EBF1: variants seen among roughly 807,000 people sequenced by gnomAD.
EBF1 encodes EBF transcription factor 1.
A neutral mutation model predicts 68.4 loss-of-function variants in EBF1; 10 were observed. The ratio of observed to expected loss-of-function variants is 0.15; its 90% CI spans 0.09 to 0.25. The LOEUF (loss-of-function observed/expected upper bound fraction) is 0.25. Among genes scored for constraint, EBF1 ranks in the 10% least tolerant of loss-of-function variants. The pLI, the probability that EBF1 is intolerant of heterozygous loss-of-function variation, is 1.00. For synonymous variants in EBF1, 298 were observed against 299.8 expected (o/e 0.99, Z 0.06); for missense variants, 509 against 794.4 (o/e 0.64, Z 4.32).
chr5:158,699,162 A>G lies in EBF1; in HGVS notation c.1745-20T>C. ...ATATCGCTATGAAAGAAAAGACAGA[A>G]GTCAATGGTTTCTTTGCGTTCAAAC... On this transcript the variant is annotated intron_variant, in intron 15 of 15. Coordinates refer to ENST00000313708, the MANE Select transcript of EBF1 (RefSeq NM_024007.5). 1 of 1,601,446 alleles carries G rather than the reference A, an allele frequency of 6.2e-7. No individual in the cohort carries two copies.
chr5:158,811,521 T>G (rs941377507), intron 8 of EBF1, among the ~76,000 whole-genome samples: 1 of 152,170 alleles, frequency 6.6e-6, no homozygotes, highest in East Asian at 1.9e-4. Flanking sequence ...GGCCTCAGTT[T>G]CCCAAATGTG....
At chr5:158,831,683 G>C (rs544581440) in intron 7 of EBF1, among the ~76,000 whole-genome samples, 4 of 152,264 alleles carry the variant, frequency 2.6e-5, no homozygotes, top group African/African-American at 9.6e-5. Flanking sequence ...TGTATTTTTA[G>C]AAGAAATGGG....
At chr5:159,030,805 A>G (rs1768642762) in intron 6 of EBF1, among the ~76,000 whole-genome samples, 3 of 152,204 alleles carry the variant, frequency 2.0e-5, no homozygotes, top group Admixed American at 2.0e-4. Context: ...CCACAGTGAC[A>G]TGTTCAGAAC....
At chr5:159,099,173 A>C (rs1465419201) in intron 1 of EBF1, among the ~76,000 whole-genome samples, 172 bp downstream of exon 1, 1 of 152,170 alleles carries the variant, frequency 6.6e-6, no homozygotes, top group South Asian at 2.1e-4. Flanking sequence ...GCAGGCGACG[A>C]AGGCAGAGCG....
At chr5:159,089,207 T>C (rs1366641756) in intron 4 of EBF1, among the ~76,000 whole-genome samples, 1 of 152,132 alleles carries the variant, frequency 6.6e-6, no homozygotes, top group Non-Finnish European at 1.5e-5. Flanking sequence ...TTAAAATAAT[T>C]AACTAAAAGA....
At chr5:158,755,399 T>C (rs953390390) in intron 10 of EBF1, among the ~76,000 whole-genome samples, 1 of 152,156 alleles carries the variant, frequency 6.6e-6, no homozygotes, top group African/African-American at 2.4e-5. Context: ...CACTTTGATT[T>C]GCATCATATG....
At chr5:158,752,468 G>A (rs566759389) in intron 10 of EBF1, among the ~76,000 whole-genome samples, 26 of 152,044 alleles carry the variant, frequency 1.7e-4, no homozygotes, top group Non-Finnish European at 2.1e-4. Flanking sequence ...AGAAATAGAC[G>A]GTTCATCTCA....
chr5:158,955,575 T>A (rs376717175), intron 6 of EBF1, among the ~76,000 whole-genome samples: 1 of 152,186 alleles, frequency 6.6e-6, no homozygotes, highest in South Asian at 2.1e-4. Context: ...CAAAATGAAT[T>A]CCATCCCATT....
At chr5:159,089,203 T>C (rs75969944) in intron 4 of EBF1, among the ~76,000 whole-genome samples, 1,807 of 152,270 alleles carry the variant, frequency 0.012, 20 homozygotes, top group Non-Finnish European at 0.018. Context: ...ATATTTAAAA[T>C]AATTAACTAA....
chr5:159,015,161 G>A (rs139974080), intron 6 of EBF1, among the ~76,000 whole-genome samples: 7 of 152,266 alleles, frequency 4.6e-5, no homozygotes, highest in East Asian at 1.9e-4. Flanking sequence ...TTTCTAATCC[G>A]TGAAAGAGGA....
At chr5:158,785,480 T>C in intron 9 of EBF1, among the ~76,000 whole-genome samples, 1 of 152,294 alleles carries the variant, frequency 6.6e-6, no homozygotes, top group African/African-American at 2.4e-5. Flanking sequence ...TTTTGGTTTG[T>C]TCCCTAATCA....
At chr5:158,735,555 G>A (rs1764997601) in intron 10 of EBF1, among the ~76,000 whole-genome samples, 1 of 152,112 alleles carries the variant, frequency 6.6e-6, no homozygotes, top group African/African-American at 2.4e-5. Context: ...CAGGGCAAAT[G>A]TCTCAGCTGA....
intron 6 of EBF1, among the ~76,000 whole-genome samples, chr5:158,907,908 A>G (rs1805011045): frequency 6.6e-6 from 1 of 152,080 alleles, no homozygotes; most frequent in Non-Finnish European, 1.5e-5. Context: ...TCCCGACACC[A>G]CTACAATGAG....
At chr5:158,856,685 C>A (rs567143155) in intron 6 of EBF1, among the ~76,000 whole-genome samples, 2 of 152,218 alleles carry the variant, frequency 1.3e-5, no homozygotes, top group Non-Finnish European at 2.9e-5. Context: ...CATCCACTCA[C>A]CCTGCCTCCA....
intron 6 of EBF1, among the ~76,000 whole-genome samples, chr5:159,046,473 G>C (rs1218135194): frequency 2.6e-5 from 4 of 152,218 alleles, no homozygotes; most frequent in Non-Finnish European, 5.9e-5. Context: ...ATGGGCCTAA[G>C]TGGAGTGGTG....
chr5:159,087,098 G>A (rs569936460), intron 4 of EBF1, among the ~76,000 whole-genome samples: 1 of 151,732 alleles, frequency 6.6e-6, no homozygotes. Flanking sequence ...TACATGGTTT[G>A]TATGTTCTCT....
intron 10 of EBF1, among the ~76,000 whole-genome samples, chr5:158,739,420 T>A (rs893431675): frequency 1.3e-5 from 2 of 152,206 alleles, no homozygotes; most frequent in African/African-American, 4.8e-5. Context: ...GGAGCCTTAA[T>A]TTAGATTCCC....
In EBF1 at chr5:158,978,211, C is replaced by T. The variant is rs149876527; in HGVS notation, c.554+95185G>A. On this transcript the variant is annotated intron_variant, in intron 6 of 15. Coordinates refer to ENST00000313708, the MANE Select transcript of EBF1 (RefSeq NM_024007.5). ...GGAAGTGGCGAGGGCTGGCTCACTG[C>T]GCCCCGGTGCGCCCTGACCCCCGAC... Among the ~76,000 whole-genome samples, 52 of 152,372 alleles carry T rather than the reference C, an allele frequency of 3.4e-4. 1 individual carries two copies. The East Asian group carries it at 9.6e-3, about 28-fold the overall frequency.
At chr5:158,978,797 TACACACACACACAC>T (rs57930371) in intron 6 of EBF1, among the ~76,000 whole-genome samples, 2 of 143,020 alleles carry the variant, frequency 1.4e-5, no homozygotes, top group South Asian at 2.3e-4. Flanking sequence ...CACACACACA[TACACACACACACAC>T]ACACACACAC....
Sources: gnomAD v4.1 joint callset for allele counts (sites outside exome capture counted in the v4.1 genomes callset) on GRCh38, gnomAD v4.1.1 for gene constraint, MANE v1.5 for transcripts, NCBI Gene and HGNC (gene_info 2026-07-23, HGNC 2026-07-21) for gene names.